Variants in DZIP1L observed in about 807,000 individuals in gnomAD.
The protein encoded by DZIP1L is cilium assembly protein DZIP1L.
DZIP1L carries 90 observed loss-of-function variants against 88.7 expected under a neutral mutation model. The observed-to-expected ratio is 1.02, with a 90% CI of 0.86 to 1.21. DZIP1L has a LOEUF of 1.21. DZIP1L is among the 50% of genes most tolerant of loss of function. The pLI, the probability that DZIP1L is intolerant of heterozygous loss-of-function variation, is 0.00. For synonymous variants in DZIP1L, 363 were observed against 372.1 expected, an observed-to-expected ratio of 0.98 and a Z score of 0.28; for missense variants, 932 against 955.8, an observed-to-expected ratio of 0.98 and a Z score of 0.33.
rs146410690 is a variant in DZIP1L, at chr3:138,090,470, T to C, written c.870+1913A>G. Among the ~76,000 whole-genome samples, 68 of 152,158 alleles carry C rather than the reference T, an allele frequency of 4.5e-4. No individual in the cohort carries two copies. In the East Asian group the frequency reaches 0.013, roughly 28 times the overall value. On this transcript the variant is annotated intron_variant, in intron 5 of 15. Coordinates refer to ENST00000327532, the MANE Select transcript of DZIP1L (RefSeq NM_173543.3). ...GGAGCTGTATATTAGGAGCATGAGG[T>C]CAATAGTGGAGCAGCATCTTCTCTT...
In DZIP1L at chr3:138,074,571, TC is replaced by T. The variant is rs988781361; in HGVS notation, c.1423-2737del. Among the ~76,000 whole-genome samples the T allele has an allele frequency of 6.7e-4, 102 of 152,128 alleles. 1 individual carries two copies. The highest frequency in any genetic ancestry group is 2.1e-3 in the African/African-American group (87 of 41,516). ...AACTGCTAAAAGGATCTCTAAATCT[TC>T]TTTTTTAATTTATTTTTTTATTATA... On this transcript the variant is annotated intron_variant, in intron 11 of 15. Coordinates refer to ENST00000327532, the MANE Select transcript of DZIP1L (RefSeq NM_173543.3).
intron 5 of DZIP1L, among the ~76,000 whole-genome samples, chr3:138,091,747 A>G (rs1280506173): frequency 1.3e-5 from 2 of 152,266 alleles, no homozygotes; most frequent in South Asian, 2.1e-4. Flanking sequence ...TTTTTTAAAA[A>G]AAAACTTTAA....
chr3:138,101,001 C>T (rs576381221), intron 2 of DZIP1L, among the ~76,000 whole-genome samples: 1 of 152,152 alleles, frequency 6.6e-6, no homozygotes, highest in East Asian at 1.9e-4. Flanking sequence ...CATGCACACA[C>T]AAACCCCTCA....
In DZIP1L at chr3:138,103,727, G is replaced by A; in HGVS notation, c.245C>T (p.Ala82Val). Residue 82 changes from alanine to valine, a missense_variant, in exon 2 of 16, where the codon GCA (alanine) becomes GTA (valine). Ala to Val is a moderately conservative substitution (Grantham distance 64). Transcript: ENST00000327532. Reference sequence around the variant, plus strand: ...CGCCAGGCGCAGCACCTTGAGCAGTGCCGGGTCCACAGGCTGCCCACAGCG... The same window carrying A: ...CGCCAGGCGCAGCACCTTGAGCAGTACCGGGTCCACAGGCTGCCCACAGCG... ...CSRCGQPVDP[A>V]LLKVLRLAQL... 6.2e-7 allele frequency: 1 copy of A among 1,613,618 alleles called. No individual in the cohort carries two copies. Among genetic ancestry groups the A allele is most frequent in the Non-Finnish European group, 8.5e-7 (1 of 1,180,040 alleles).
intron 12 of DZIP1L, among the ~76,000 whole-genome samples, chr3:138,070,186 A>AAC: frequency 6.6e-6 from 1 of 152,018 alleles, no homozygotes. Flanking sequence ...TGGCTCCATC[A>AAC]CATCACCTGG....
At chr3:138,102,687 G>T (rs2042358298) in intron 2 of DZIP1L, 6 of 983,688 alleles carry the variant, frequency 6.1e-6, no homozygotes, top group Non-Finnish European at 9.9e-6. Flanking sequence ...CCACCTCCAG[G>T]TTAAGGGGGC....
At chr3:138,099,237 A>T (rs1021696141) in intron 2 of DZIP1L, among the ~76,000 whole-genome samples, 1 of 152,262 alleles carries the variant, frequency 6.6e-6, no homozygotes, top group African/African-American at 2.4e-5. Context: ...AATAGGCCAC[A>T]TGTGGCCCAG....
At chr3:138,064,290 G>T in intron 15 of DZIP1L, 1 of 1,093,956 alleles carries the variant, frequency 9.1e-7, no homozygotes, top group Non-Finnish European at 1.2e-6. Flanking sequence ...GGAGCCCACT[G>T]TGGGATGAGA....
chr3:138,103,886 C>A lies in DZIP1L; in HGVS notation c.86G>T (p.Arg29Leu). The A allele has an allele frequency of 3.1e-6, 5 of 1,613,960 alleles. No homozygotes were observed. Among genetic ancestry groups the A allele is most frequent in the Non-Finnish European group, 4.2e-6 (5 of 1,180,028 alleles). ...YTFPTFKFQP[R>L]HDSMDWRRIS... ...GCGTCTCCAGTCCATGCTATCATGG[C>A]GAGGCTGAAACTTGAAGGTGGGGAA... The change falls in exon 2 of 16, where the codon CGC becomes CTC. Residue 29 changes from arginine to leucine, a missense_variant. By Grantham distance (102) the Arg-to-Leu change is moderately radical. Transcript: ENST00000327532.
At chr3:138,091,661 AAGGGAGGGAGAGAGGGAGGG>A (rs1437158980) in intron 5 of DZIP1L, among the ~76,000 whole-genome samples, 4 of 20,460 alleles carry the variant, frequency 2.0e-4, no homozygotes, top group East Asian at 1.3e-3. Context: ...GGAAGGAAGG[AAGGGAGGGAGAGAGGGAGGG>A]AGGAAGGAAG....
chr3:138,075,399 A>G (rs1314377653), intron 11 of DZIP1L, among the ~76,000 whole-genome samples: 1 of 152,242 alleles, frequency 6.6e-6, no homozygotes, highest in Non-Finnish European at 1.5e-5. Flanking sequence ...AGACCAGATG[A>G]TAGGCCACAA....
intron 14 of DZIP1L, 45 bp downstream of exon 14, chr3:138,067,486 C>G: frequency 5.2e-6 from 8 of 1,542,008 alleles, no homozygotes; most frequent in Non-Finnish European, 6.9e-6. Flanking sequence ...TGGAGAAGGG[C>G]TACACCGGTG....
intron 1 of DZIP1L, among the ~76,000 whole-genome samples, chr3:138,111,742 C>A (rs1161844622): frequency 6.6e-6 from 1 of 152,180 alleles, no homozygotes; most frequent in Non-Finnish European, 1.5e-5. Context: ...CACCTGTAAT[C>A]CCAGCACTTT....
At chr3:138,076,690 T>G (rs549175354) in intron 11 of DZIP1L, among the ~76,000 whole-genome samples, 1 of 152,164 alleles carries the variant, frequency 6.6e-6, no homozygotes, top group Non-Finnish European at 1.5e-5. Context: ...CTCACTCCTA[T>G]GTGGGAGCTA....
At chr3:138,069,007 T>C in intron 12 of DZIP1L, 1 of 1,273,216 alleles carries the variant, frequency 7.9e-7, no homozygotes, top group African/African-American at 1.5e-5. Context: ...AATGAGTTTC[T>C]TACAGTAATT....
intron 2 of DZIP1L, among the ~76,000 whole-genome samples, chr3:138,098,348 T>G (rs1261318676): frequency 6.6e-6 from 1 of 152,196 alleles, no homozygotes; most frequent in African/African-American, 2.4e-5. Flanking sequence ...GTTTGAAATT[T>G]TCCATAATAA....
At chr3:138,087,314 C>T (rs961112325) in intron 6 of DZIP1L, among the ~76,000 whole-genome samples, 32 of 152,092 alleles carry the variant, frequency 2.1e-4, no homozygotes, top group African/African-American at 7.5e-4. Flanking sequence ...AAAGATTTAA[C>T]ACAAAAAATA....
intron 15 of DZIP1L, 37 bp downstream of exon 15, chr3:138,064,591 G>C (rs748603555): frequency 1.7e-5 from 27 of 1,613,924 alleles, no homozygotes; most frequent in Admixed American, 5.0e-5. Flanking sequence ...GTTCTGTAGA[G>C]AATTCCAGAG....
chr3:138,103,570 G>T lies in DZIP1L; in HGVS notation c.402C>A (p.Asp134Glu). 8 of 1,608,216 alleles carry T rather than the reference G, an allele frequency of 5.0e-6. No homozygotes were observed. Among genetic ancestry groups the T allele is most frequent in the Non-Finnish European group, 6.8e-6 (8 of 1,179,558 alleles). Residue 134 changes from aspartate to glutamate, a missense_variant, in exon 2 of 16, where the codon GAC (aspartate) becomes GAA (glutamate). Coordinates refer to ENST00000327532, the MANE Select transcript of DZIP1L (RefSeq NM_173543.3). Reference sequence around the variant, plus strand: ...TCTCCTCCCGCACACCCTTGAGCTCGTCAGCCTGGCGTCCCAGCTCCTGCT... The same window carrying T: ...TCTCCTCCCGCACACCCTTGAGCTCTTCAGCCTGGCGTCCCAGCTCCTGCT... ...RGQQELGRQA[D>E]ELKGVREESR... is the part of the protein sequence containing the mutation.
Sources: gnomAD v4.1 joint callset for allele counts (sites outside exome capture counted in the v4.1 genomes callset) on GRCh38, gnomAD v4.1.1 for gene constraint, MANE v1.5 for transcripts, NCBI Gene and HGNC (gene_info 2026-07-23, HGNC 2026-07-21) for gene names.